Variants in HIRIP3 observed in about 807,000 individuals in gnomAD.
The protein encoded by HIRIP3 is HIRA interacting protein 3.
Under a neutral mutation model 50.3 loss-of-function variants are expected in HIRIP3, and 40 were observed. The ratio of observed to expected loss-of-function variants is 0.79; its 90% CI spans 0.62 to 1.03. The LOEUF is 1.03. Ranked by LOEUF, HIRIP3 falls within the 50% of genes least tolerant of loss-of-function variation. The probability of loss-of-function intolerance (pLI) is 0.00; values close to 1 mark genes in which losing one functional copy is unlikely to be tolerated. For missense variants in HIRIP3, 765 were observed against 705.4 expected (o/e 1.08, Z -0.96); for synonymous variants, 318 against 261.6 (o/e 1.22, Z -2.08).
chr16:29,995,641 T>A, upstream of HIRIP3: 1 of 1,608,908 alleles, frequency 6.2e-7, no homozygotes, highest in Non-Finnish European at 8.5e-7. Flanking sequence ...CCCGCCTTTT[T>A]TTCTTCTCGG....
In HIRIP3 at chr16:29,993,076, C is replaced by T. The variant is rs1323137575; in HGVS notation, c.*131G>A. The T allele has an allele frequency of 1.4e-6, 1 of 732,630 alleles. No individual in the cohort carries two copies. Among genetic ancestry groups the T allele is most frequent in the African/African-American group, 1.8e-5 (1 of 55,244 alleles). The allele number at this position is 732,630 out of a possible 1,614,324, so 45.4% of individuals were successfully genotyped here. The stretch of plus-strand genomic sequence containing the variant: ...ACAGCGTGAAGCTGAGAAGTAGCAT[C>T]CCAACAGCTTGTGTCCTTGGGAGCT... On this transcript the variant is annotated 3_prime_UTR_variant, in exon 7 of 7. Coordinates refer to ENST00000279392, the MANE Select transcript of HIRIP3 (RefSeq NM_003609.5).
At position 29,994,221 on chromosome 16, in the gene HIRIP3, ATCTC is replaced by A. The variant is rs1567259491; in HGVS notation, c.920_923del (p.Arg307IlefsTer22). 6.2e-7 allele frequency: 1 copy of A among 1,613,098 alleles called. No individual in the cohort carries two copies. Among genetic ancestry groups the A allele is most frequent in the Non-Finnish European group, 8.5e-7 (1 of 1,179,692 alleles). On this transcript the variant is annotated frameshift_variant, in exon 4 of 7. Transcript: ENST00000279392. LOFTEE classifies it high-confidence loss of function. ...TCTTCCTCTGCACTGGGGGTTCTCT[ATCTC>A]TCCCACTGTCATCCCCACTGCTGGC...
At position 29,994,833 on chromosome 16, in the gene HIRIP3, A is replaced by C. The variant is rs756169065; in HGVS notation, c.312T>G (p.Ser104=). The change falls in exon 4 of 7, where the codon TCT becomes TCG. Residue 104 remains serine, a synonymous_variant. Coordinates refer to ENST00000279392, the MANE Select transcript of HIRIP3 (RefSeq NM_003609.5). The stretch of plus-strand genomic sequence containing the variant: ...CAAAGTAGTCTGGGCTGGAGGCTTC[A>C]GAGCCGGACTCTGGAATATGGAGAG... ...FRFNSESESG[S]EASSPDYFGP... The C allele has an allele frequency of 3.0e-5, 49 of 1,606,862 alleles. No individual in the cohort carries two copies. Among genetic ancestry groups the C allele is most frequent in the Non-Finnish European group, 4.0e-5 (47 of 1,176,704 alleles).
rs749275800 is a variant in HIRIP3 at position 29,993,159 on chromosome 16, T to C, written c.*48A>G. 9 of 1,515,708 alleles carry C rather than the reference T, an allele frequency of 5.9e-6. No individual in the cohort carries two copies. Among genetic ancestry groups the C allele is most frequent in the East Asian group, 2.3e-5 (1 of 43,422 alleles). 93.9% of individuals were successfully genotyped at this position (1,515,708 alleles called of 1,614,324 possible). Reference sequence around the variant, plus strand: ...CACAGACACAGGGCAAGGGGTGCTATGTATGCTTTGTACATGTATCAAGGG... The same window carrying C: ...CACAGACACAGGGCAAGGGGTGCTACGTATGCTTTGTACATGTATCAAGGG... On this transcript the variant is annotated 3_prime_UTR_variant, in exon 7 of 7. Coordinates refer to ENST00000279392, the MANE Select transcript of HIRIP3 (RefSeq NM_003609.5).
chr16:29,995,070 A>G (rs746804249), intron 3 of HIRIP3, 33 bp downstream of exon 3: 2 of 1,595,516 alleles, frequency 1.3e-6, no homozygotes, highest in Non-Finnish European at 1.7e-6. Context: ...CCAACGATGC[A>G]GAAGGCCCCC....
chr16:29,995,892 C>T, upstream of HIRIP3: 1 of 577,936 alleles, frequency 1.7e-6, no homozygotes, highest in Non-Finnish European at 3.1e-6. Context: ...CCTAATCAGC[C>T]CGCGACGCTG....
rs1330358031 is a variant in HIRIP3 at position 29,994,614 on chromosome 16, T to C, written c.531A>G (p.Val177=). The C allele has an allele frequency of 6.2e-7, 1 of 1,614,046 alleles. No homozygotes were observed. Among genetic ancestry groups the C allele is most frequent in the Non-Finnish European group, 8.5e-7 (1 of 1,180,036 alleles). Reference sequence around the variant, plus strand: ...AGGCCTTGCCTGGTGCCTGCTTCTTTACCACAGGTTTCTTCCTAGTCTTCC... The same window carrying C: ...AGGCCTTGCCTGGTGCCTGCTTCTTCACCACAGGTTTCTTCCTAGTCTTCC... ...YKGKTRKKPV[V]KKQAPGKASV... The change falls in exon 4 of 7, where the codon GTA becomes GTG. Residue 177 remains valine (V), a synonymous_variant. Transcript: ENST00000279392.
Position 29,993,219 on chromosome 16 carries a change from G to T in HIRIP3, c.1659C>A (p.Gly553=). Residue 553 remains glycine (G), a synonymous_variant, in exon 7 of 7, where the codon GGC becomes GGA. Transcript: ENST00000279392. ...SHMRGIISSD[G]ESN ...GGGGTGGCAGAGCTCAGTTACTCTCGCCATCACTGCTGATGATGCCACGCA... is the reference window on the plus strand; with the variant it reads ...GGGGTGGCAGAGCTCAGTTACTCTCTCCATCACTGCTGATGATGCCACGCA... The T allele has an allele frequency of 6.3e-7, 1 of 1,591,574 alleles. No individual in the cohort carries two copies. Among genetic ancestry groups the T allele is most frequent in the South Asian group, 1.1e-5 (1 of 88,010 alleles).
At position 29,994,481 on chromosome 16, in the gene HIRIP3, C is replaced by T. The variant is rs748426043; in HGVS notation, c.664G>A (p.Glu222Lys). Residue 222 changes from glutamate to lysine, a missense_variant, in exon 4 of 7, where the codon GAA becomes AAA. Glu to Lys is a moderately conservative substitution (Grantham distance 56). Transcript: ENST00000279392. Reference protein sequence around the residue: ...EGNKGTKSLKESEQESEEEIL... With the variant: ...EGNKGTKSLKKSEQESEEEIL... ...TCCTCTTCACTCTCCTGTTCACTTT[C>T]CTTCAGGCTTTTAGTTCCTTTATTT... The T allele has an allele frequency of 2.5e-6, 4 of 1,614,156 alleles. No homozygotes were observed. Among genetic ancestry groups the T allele is most frequent in the Non-Finnish European group, 3.4e-6 (4 of 1,180,028 alleles).
chr16:29,994,163 T>G lies in HIRIP3; in HGVS notation c.982A>C (p.Arg328=), dbSNP rs770233736. 3.1e-6 allele frequency: 5 copies of G among 1,614,134 alleles called. No individual in the cohort carries two copies. Among genetic ancestry groups the G allele is most frequent in the Non-Finnish European group, 4.2e-6 (5 of 1,180,008 alleles). Residue 328 remains arginine, a synonymous_variant, in exon 4 of 7, where the codon AGG becomes CGG. Coordinates refer to ENST00000279392, the MANE Select transcript of HIRIP3 (RefSeq NM_003609.5). The part of the protein sequence containing the change: ...EDRTQLKGGK[R]LSGSSEDEED... ...TCGTCCTCGCTGCTTCCACTCAACC[T>G]CTTCCCACCCTTAAGCTGGGTCCTG...
At chr16:29,996,038 G>A (rs932620388), upstream of HIRIP3, 1 of 590,462 alleles carries the variant, frequency 1.7e-6, no homozygotes. Flanking sequence ...GTACATTAGA[G>A]TCAGGAACGG....
chr16:29,995,280 C>G (rs2070064717), intron 2 of HIRIP3, 63 bp from the exon 3 acceptor site: 6 of 1,611,578 alleles, frequency 3.7e-6, no homozygotes, highest in Admixed American at 3.3e-5. Context: ...CCCGTCAGGC[C>G]CCTCCTCCTC....
upstream of HIRIP3, chr16:29,995,902 G>A: frequency 3.5e-6 from 2 of 575,158 alleles, no homozygotes; most frequent in East Asian, 5.9e-5. Context: ...CCGCGACGCT[G>A]CCTTTCTCAC....
Position 29,995,211 on chromosome 16 carries a change from C to A in HIRIP3, c.193G>T (p.Glu65Ter). Residue 65 changes from glutamate to a stop codon, truncating the protein, a stop_gained, in exon 3 of 7, where the codon GAA (glutamate) becomes TAA (stop). Transcript: ENST00000279392. LOFTEE classifies it high-confidence loss of function. ...AGTTTGTCTTCCCTGGAAGCGGCTTCATCCACCTGTGTGTGCGCCAAGAGG... is the reference window on the plus strand; with the variant it reads ...AGTTTGTCTTCCCTGGAAGCGGCTTAATCCACCTGTGTGTGCGCCAAGAGG... ...EEELLKMQVD[E>*]AASREDKLDL... 3.7e-6 allele frequency: 6 copies of A among 1,614,260 alleles called. No individual in the cohort carries two copies. Among genetic ancestry groups the A allele is most frequent in the Non-Finnish European group, 5.1e-6 (6 of 1,180,042 alleles).
upstream of HIRIP3, chr16:29,995,705 T>A: frequency 6.9e-7 from 1 of 1,458,832 alleles, no homozygotes; most frequent in Non-Finnish European, 9.4e-7. Flanking sequence ...TGCGGCAACG[T>A]GGGGCGAGGG....
In HIRIP3 at chr16:29,994,293, C is replaced by T. The variant is rs1396933611; in HGVS notation, c.852G>A (p.Arg284=). The T allele has an allele frequency of 3.1e-6, 5 of 1,614,162 alleles. No individual in the cohort carries two copies. Among genetic ancestry groups the T allele is most frequent in the South Asian group, 2.2e-5 (2 of 91,074 alleles). The part of the protein sequence containing the change: ...RSCKQKSQAK[R]LLGDSDSEEE... ...CCTCGCTGTCTGAGTCTCCCAAGAG[C>T]CTCTTTGCCTGGCTTTTCTGCTTAC... Residue 284 remains arginine, a synonymous_variant, in exon 4 of 7, where the codon AGG becomes AGA. Transcript: ENST00000279392.
At position 29,993,152 on chromosome 16, in the gene HIRIP3, G is replaced by C; in HGVS notation, c.*55C>G. The C allele has an allele frequency of 6.7e-7, 1 of 1,485,948 alleles. No homozygotes were observed. The highest frequency in any genetic ancestry group is 9.0e-7 in the Non-Finnish European group (1 of 1,106,126). 92.0% of individuals were successfully genotyped at this position (1,485,948 alleles called of 1,614,324 possible). On this transcript the variant is annotated 3_prime_UTR_variant, in exon 7 of 7. Transcript: ENST00000279392. The stretch of plus-strand genomic sequence containing the variant: ...TCTGTTCCACAGACACAGGGCAAGG[G>C]GTGCTATGTATGCTTTGTACATGTA...
At chr16:29,995,615 CCCGGGATTGACGGCTCCCG>C (rs776299420) in exon 1 of HIRIP3, 1 of 1,612,092 alleles carries the variant, frequency 6.2e-7, no homozygotes, top group South Asian at 1.1e-5. Flanking sequence ...TTTTGCTCAA[CCCGGGATTGACGGCTCCCG>C]CCTTTTTTTC....
rs1337669711 is a variant in HIRIP3 at position 29,995,559 on chromosome 16, C to G, written c.47G>C (p.Arg16Pro). ...EMQEFTRSFF[R>P]GRPDLSTLTH... Reference sequence around the variant, plus strand: ...TGGGCACCTGAGGTCCGGGCGGCCTCGGAAGAAGCTACGGGTGAACTCCTG... The same window carrying G: ...TGGGCACCTGAGGTCCGGGCGGCCTGGGAAGAAGCTACGGGTGAACTCCTG... The change falls in exon 1 of 7, where the codon CGA (arginine) becomes CCA (proline). Residue 16 changes from arginine (R) to proline (P), a missense_variant. Arg to Pro is a moderately radical substitution (Grantham distance 103). Transcript: ENST00000279392. 1 of 1,612,754 alleles carries G rather than the reference C, an allele frequency of 6.2e-7. No individual in the cohort carries two copies. Among genetic ancestry groups the G allele is most frequent in the Non-Finnish European group, 8.5e-7 (1 of 1,180,036 alleles).
Sources: allele counts gnomAD v4.1 joint callset, GRCh38; gene constraint gnomAD v4.1.1; transcripts MANE v1.5; gene names NCBI Gene and HGNC (gene_info 2026-07-23, HGNC 2026-07-21).